Variants in CNTN6 observed in about 807,000 individuals in gnomAD.
CNTN6 encodes contactin 6.
CNTN6 carries 137 observed loss-of-function variants against 122.8 expected under a neutral mutation model. That is an observed-to-expected ratio of 1.12 (90% CI 0.97 to 1.29). The LOEUF is 1.29. Ranked by LOEUF, CNTN6 falls within the 50% of genes most tolerant of loss-of-function variation. The pLI is 0.00. For missense variants in CNTN6, 1,634 were observed against 1,223.4 expected (o/e 1.34, Z -5.01); for synonymous variants, 570 against 426.0 (o/e 1.34, Z -4.16).
intron 20 of CNTN6, among the ~76,000 whole-genome samples, chr3:1,387,905 G>A (rs964664135): frequency 3.3e-5 from 5 of 152,134 alleles, no homozygotes; most frequent in African/African-American, 7.2e-5. Flanking sequence ...CGGCTCGGAG[G>A]GTCCTACGCC....
rs368724002 is a variant in CNTN6, at chr3:1,227,666, C to T, written c.183-152C>T. On this transcript the variant is annotated intron_variant, in intron 3 of 22. Transcript: ENST00000446702. ...GATCTCACCAAACCCACCAAGACAG[C>T]TACCTTTGGTAAAACTGGTAGGATT... 84 of 763,136 alleles carry T rather than the reference C, an allele frequency of 1.1e-4. No individual in the cohort carries two copies. The African/African-American group carries it at 1.4e-3, about 13-fold the overall frequency. The allele number at this position is 763,136 out of a possible 1,614,324, so 47.3% of individuals were successfully genotyped here.
chr3:1,142,054 T>C (rs909548803), intron 1 of CNTN6, among the ~76,000 whole-genome samples: 16 of 152,144 alleles, frequency 1.1e-4, no homozygotes, highest in African/African-American at 3.6e-4. Context: ...AACCAAGGTT[T>C]AACATGGCAG....
chr3:1,343,418 A>C (rs566028126), intron 11 of CNTN6, among the ~76,000 whole-genome samples: 3 of 152,212 alleles, frequency 2.0e-5, no homozygotes, highest in Admixed American at 2.0e-4. Context: ...AAGTCACTTC[A>C]ATGATCAAAT....
chr3:1,325,693 G>T (rs1196593133), intron 8 of CNTN6, 122 bp from the exon 9 acceptor site: 3 of 904,558 alleles, frequency 3.3e-6, no homozygotes, highest in East Asian at 5.3e-5. Flanking sequence ...CAAATCGTGT[G>T]TGTGCAATCC....
intron 7 of CNTN6, among the ~76,000 whole-genome samples, chr3:1,299,915 T>G (rs763725174): frequency 3.1e-4 from 47 of 152,194 alleles, no homozygotes; most frequent in Non-Finnish European, 5.7e-4. Flanking sequence ...GTTAAAACAT[T>G]AAGACTTGGC....
intron 5 of CNTN6, among the ~76,000 whole-genome samples, chr3:1,293,964 T>G (rs1346337680): frequency 6.6e-6 from 1 of 152,214 alleles, no homozygotes; most frequent in South Asian, 2.1e-4. Context: ...CAGCACATGA[T>G]TTTTGTGAGG....
chr3:1,112,680 C>T (rs1007750372), intron 1 of CNTN6, among the ~76,000 whole-genome samples: 2 of 152,118 alleles, frequency 1.3e-5, no homozygotes, highest in Non-Finnish European at 2.9e-5. Flanking sequence ...AATGTCCTTG[C>T]AGACACGCCC....
chr3:1,390,870 T>C (rs1270271483), intron 20 of CNTN6, among the ~76,000 whole-genome samples: 1 of 150,710 alleles, frequency 6.6e-6, no homozygotes, highest in African/African-American at 2.5e-5. Context: ...AAGTTGAATC[T>C]CTGAATAGAC....
chr3:1,386,310 CA>C (rs1159624835), intron 20 of CNTN6, among the ~76,000 whole-genome samples: 4 of 152,170 alleles, frequency 2.6e-5, no homozygotes, highest in African/African-American at 9.7e-5. Flanking sequence ...TGTGATCCTA[CA>C]ACTGTCAGAC....
At chr3:1,369,591 A>G (rs193092949) in intron 12 of CNTN6, among the ~76,000 whole-genome samples, 1 of 152,292 alleles carries the variant, frequency 6.6e-6, no homozygotes, top group East Asian at 1.9e-4. Flanking sequence ...TAGATAGGGA[A>G]TAATTTGTCC....
At chr3:1,154,484 C>A (rs1472118631) in intron 2 of CNTN6, among the ~76,000 whole-genome samples, 3 of 144,260 alleles carry the variant, frequency 2.1e-5, no homozygotes, top group African/African-American at 8.1e-5. Context: ...GCTCTTGTTG[C>A]CCAGGCTACA....
chr3:1,334,376 ATTTT>A (rs11332039), intron 11 of CNTN6, among the ~76,000 whole-genome samples: 1,501 of 147,030 alleles, frequency 0.01, 33 homozygotes, highest in African/African-American at 0.035. Flanking sequence ...TCCTCTTTTT[ATTTT>A]TTTTTTTTTT....
intron 20 of CNTN6, among the ~76,000 whole-genome samples, chr3:1,396,066 G>A (rs542050171): frequency 5.9e-5 from 9 of 152,162 alleles, no homozygotes; most frequent in East Asian, 1.9e-4. Context: ...CTAAAATGCC[G>A]TCATACTTCT....
chr3:1,259,217 G>T (rs2094806320), intron 4 of CNTN6, among the ~76,000 whole-genome samples: 1 of 151,940 alleles, frequency 6.6e-6, no homozygotes, highest in Non-Finnish European at 1.5e-5. Flanking sequence ...TAAAGTGTGG[G>T]TACTATTTAT....
chr3:1,345,210 G>A (rs1286416936), intron 11 of CNTN6, among the ~76,000 whole-genome samples: 4 of 151,270 alleles, frequency 2.6e-5, no homozygotes, highest in South Asian at 4.2e-4. Context: ...TCCACCTCCC[G>A]GGCTCAAGTG....
chr3:1,224,791 G>A (rs2094257638), intron 3 of CNTN6, among the ~76,000 whole-genome samples: 1 of 152,090 alleles, frequency 6.6e-6, no homozygotes, highest in African/African-American at 2.4e-5. Flanking sequence ...TGTCAGCCAG[G>A]TTGGAGTTCA....
At chr3:1,374,690 A>G (rs919457250) in intron 16 of CNTN6, among the ~76,000 whole-genome samples, 6 of 152,066 alleles carry the variant, frequency 3.9e-5, no homozygotes. Context: ...CCAGGGTGAC[A>G]TTTAATCTGC....
chr3:1,102,830 G>T (rs1363930248), intron 1 of CNTN6, among the ~76,000 whole-genome samples: 1 of 150,068 alleles, frequency 6.7e-6, no homozygotes, highest in Non-Finnish European at 1.5e-5. Flanking sequence ...TGTCCAGGCC[G>T]GGAGCTGTGG....
At chr3:1,097,389 G>A (rs1251173890) in intron 1 of CNTN6, among the ~76,000 whole-genome samples, 5 of 152,142 alleles carry the variant, frequency 3.3e-5, no homozygotes, top group African/African-American at 1.2e-4. Flanking sequence ...ATAAATGAAT[G>A]AATAAATAAC....
Sources: gnomAD v4.1 joint callset for allele counts (sites outside exome capture counted in the v4.1 genomes callset) on GRCh38, gnomAD v4.1.1 for gene constraint, MANE v1.5 for transcripts, NCBI Gene and HGNC (gene_info 2026-07-23, HGNC 2026-07-21) for gene names.